CRTAC1: variants seen among roughly 807,000 people sequenced by gnomAD.
CRTAC1 encodes the protein cartilage acidic protein 1.
In CRTAC1, 37 loss-of-function variants were observed where a neutral mutation model predicts 67.8. That is an observed-to-expected ratio of 0.55 (90% confidence interval 0.42 to 0.72). CRTAC1 has a LOEUF of 0.72. Ranked by LOEUF, CRTAC1 falls within the 30% of genes least tolerant of loss-of-function variation. The probability of loss-of-function intolerance (pLI) is 0.00; values close to 1 mark genes in which losing one functional copy is unlikely to be tolerated. For missense variants in CRTAC1, 780 were observed against 931.6 expected, an observed-to-expected ratio of 0.84 and a Z score of 2.12; for synonymous variants, 348 against 371.0, an observed-to-expected ratio of 0.94 and a Z score of 0.71.
chr10:97,989,106 A>T (rs1021771584), intron 2 of CRTAC1, among the ~76,000 whole-genome samples: 2 of 152,118 alleles, frequency 1.3e-5, no homozygotes, highest in African/African-American at 4.8e-5. Context: ...TGGAACTGGG[A>T]TTTACATCAT....
At chr10:98,001,850 A>G (rs1842694884) in intron 2 of CRTAC1, among the ~76,000 whole-genome samples, 1 of 152,268 alleles carries the variant, frequency 6.6e-6, no homozygotes, top group Non-Finnish European at 1.5e-5. Flanking sequence ...CAAAGTGATA[A>G]GACCACCTGC....
At chr10:97,986,373 C>T (rs2051983913) in intron 2 of CRTAC1, among the ~76,000 whole-genome samples, 1 of 152,190 alleles carries the variant, frequency 6.6e-6, no homozygotes, top group Admixed American at 6.5e-5. Context: ...AGCCTGGGGC[C>T]CATGGGCACT....
intron 3 of CRTAC1, among the ~76,000 whole-genome samples, chr10:97,926,888 C>A (rs979652148): frequency 1.3e-5 from 2 of 152,182 alleles, no homozygotes. Context: ...ATGGTCTCTG[C>A]AGGCTTCTGG....
At chr10:97,929,603 T>A (rs764430830) in intron 3 of CRTAC1, among the ~76,000 whole-genome samples, 2 of 152,178 alleles carry the variant, frequency 1.3e-5, no homozygotes, top group East Asian at 3.9e-4. Context: ...CAACCCTCCC[T>A]CTAGGTGGAT....
chr10:98,003,384 G>A (rs567675846), intron 2 of CRTAC1, among the ~76,000 whole-genome samples: 2 of 152,282 alleles, frequency 1.3e-5, no homozygotes, highest in South Asian at 2.1e-4. Context: ...CTAAAATCAA[G>A]GTTGGCAGGG....
At chr10:97,976,168 G>A (rs749501391) in intron 2 of CRTAC1, among the ~76,000 whole-genome samples, 23 of 152,206 alleles carry the variant, frequency 1.5e-4, no homozygotes, top group Non-Finnish European at 1.8e-4. Context: ...AGCCCACAGC[G>A]AGGAATAAAC....
chr10:97,962,810 G>A (rs2051548245), intron 2 of CRTAC1, among the ~76,000 whole-genome samples: 1 of 149,030 alleles, frequency 6.7e-6, no homozygotes, highest in East Asian at 2.0e-4. Flanking sequence ...ACACACCCCG[G>A]GCACTCTTTC....
intron 11 of CRTAC1, among the ~76,000 whole-genome samples, chr10:97,892,703 A>G (rs1407152382): frequency 6.6e-6 from 1 of 152,242 alleles, no homozygotes; most frequent in Non-Finnish European, 1.5e-5. Flanking sequence ...TAATTGCTTG[A>G]TAAGTGTCGG....
At chr10:97,965,525 C>T (rs547391117) in intron 2 of CRTAC1, among the ~76,000 whole-genome samples, 64 of 152,284 alleles carry the variant, frequency 4.2e-4, no homozygotes, top group African/African-American at 1.1e-3. Flanking sequence ...AGAGGCAACC[C>T]TTTGCTTTTT....
chr10:97,961,159 G>C (rs1250989418), intron 2 of CRTAC1, among the ~76,000 whole-genome samples: 1 of 152,076 alleles, frequency 6.6e-6, no homozygotes, highest in African/African-American at 2.4e-5. Context: ...CCTTAGGCTG[G>C]AGTTTCCTTA....
intron 5 of CRTAC1, among the ~76,000 whole-genome samples, chr10:97,912,460 C>A (rs1010872952): frequency 1.3e-5 from 2 of 152,330 alleles, no homozygotes; most frequent in Middle Eastern, 3.4e-3. Context: ...TTGGGCCCAA[C>A]CCCCAAAGGG....
chr10:97,872,097 TCTTA>T (rs1034160949), intron 14 of CRTAC1, among the ~76,000 whole-genome samples: 3 of 152,048 alleles, frequency 2.0e-5, no homozygotes, highest in African/African-American at 7.2e-5. Flanking sequence ...AGGGAGCCTG[TCTTA>T]CTCACTCCCC....
intron 2 of CRTAC1, among the ~76,000 whole-genome samples, chr10:97,952,379 A>AATAT (rs1385253970): frequency 2.0e-4 from 30 of 151,278 alleles, no homozygotes; most frequent in African/African-American, 6.8e-4. Flanking sequence ...TAAATAAATA[A>AATAT]ATAAAAAAAT....
intron 1 of CRTAC1, among the ~76,000 whole-genome samples, chr10:98,018,453 G>C (rs923929440): frequency 6.6e-6 from 1 of 152,108 alleles, no homozygotes; most frequent in Non-Finnish European, 1.5e-5. Flanking sequence ...CAACTTGCAC[G>C]TTCCCCTTCT....
At chr10:97,968,036 G>A (rs1363608156) in intron 2 of CRTAC1, among the ~76,000 whole-genome samples, 3 of 152,090 alleles carry the variant, frequency 2.0e-5, no homozygotes, top group Non-Finnish European at 4.4e-5. Context: ...GAAATTTATG[G>A]GATTTGCAAT....
intron 2 of CRTAC1, among the ~76,000 whole-genome samples, chr10:97,981,809 C>G (rs550935203): frequency 6.6e-6 from 1 of 152,216 alleles, no homozygotes; most frequent in Non-Finnish European, 1.5e-5. Context: ...ATCTACCTAA[C>G]TTTTGCCAGT....
intron 2 of CRTAC1, among the ~76,000 whole-genome samples, chr10:97,980,502 A>G (rs1405604981): frequency 1.3e-5 from 2 of 152,244 alleles, no homozygotes; most frequent in Non-Finnish European, 2.9e-5. Flanking sequence ...GCTGTGAGGA[A>G]GTCCTGGGAT....
chr10:97,972,757 C>A (rs201626880), intron 2 of CRTAC1, among the ~76,000 whole-genome samples: 6 of 152,080 alleles, frequency 3.9e-5, no homozygotes, highest in African/African-American at 1.4e-4. Flanking sequence ...TTTGTAAATG[C>A]TTTTATAACC....
intron 2 of CRTAC1, among the ~76,000 whole-genome samples, chr10:97,951,691 T>C (rs549980482): frequency 6.6e-6 from 1 of 152,360 alleles, no homozygotes; most frequent in African/African-American, 2.4e-5. Context: ...TAATTACAAA[T>C]GAAAGGTACA....
Sources: allele counts gnomAD v4.1 joint callset (sites outside exome capture counted in the v4.1 genomes callset), GRCh38; gene constraint gnomAD v4.1.1; transcripts MANE v1.5; gene names NCBI Gene and HGNC (gene_info 2026-07-23, HGNC 2026-07-21).